The following UNC5C variants were observed in gnomAD, a reference collection of about 807,000 sequenced individuals.
The protein encoded by UNC5C is netrin receptor UNC5C.
A neutral mutation model predicts 99.8 loss-of-function variants in UNC5C; 47 were observed. The observed-to-expected ratio is 0.47, with a 90% CI of 0.37 to 0.60. The LOEUF (loss-of-function observed/expected upper bound fraction) is 0.60, where lower values mean the gene tolerates loss of function less well. Among genes scored for constraint, UNC5C ranks in the 20% least tolerant of loss-of-function variants. UNC5C has a pLI of 0.00. For synonymous variants in UNC5C, 487 were observed against 452.2 expected, an observed-to-expected ratio of 1.08 and a Z score of -0.98; for missense variants, 1,062 against 1,165.9, an observed-to-expected ratio of 0.91 and a Z score of 1.30.
chr4:95,453,910 G>T (rs1276469503), intron 1 of UNC5C, among the ~76,000 whole-genome samples: 1 of 152,092 alleles, frequency 6.6e-6, no homozygotes, highest in Admixed American at 6.6e-5. Flanking sequence ...AGCAGAATTT[G>T]TAATTTGTAC....
intron 7 of UNC5C, among the ~76,000 whole-genome samples, chr4:95,234,595 C>A (rs1229687777): frequency 6.6e-6 from 1 of 151,936 alleles, no homozygotes; most frequent in Non-Finnish European, 1.5e-5. Context: ...GCTTATGAAC[C>A]CAAAATGTCC....
rs78005095 is a variant in UNC5C, at chr4:95,186,716, C to T, written c.2137-1520G>A. Among the ~76,000 whole-genome samples the T allele has an allele frequency of 9.8e-5, 15 of 152,300 alleles. No homozygotes were observed. The East Asian group carries it at 2.5e-3, about 25-fold the overall frequency. On this transcript the variant is annotated intron_variant, in intron 12 of 15. Coordinates refer to ENST00000453304, the MANE Select transcript of UNC5C (RefSeq NM_003728.4). ...AAGAGATGAGGCAATAGCACACTGACGTAGACAAGTGTGTGGTCCAGCTGC... is the reference window on the plus strand; with the variant it reads ...AAGAGATGAGGCAATAGCACACTGATGTAGACAAGTGTGTGGTCCAGCTGC...
At chr4:95,467,451 C>T (rs927227762) in intron 1 of UNC5C, among the ~76,000 whole-genome samples, 2 of 152,016 alleles carry the variant, frequency 1.3e-5, no homozygotes, top group Non-Finnish European at 2.9e-5. Context: ...CAGGCACAAC[C>T]CTTGCAGCAT....
At chr4:95,451,359 A>G (rs1347547206) in intron 1 of UNC5C, among the ~76,000 whole-genome samples, 1 of 152,226 alleles carries the variant, frequency 6.6e-6, no homozygotes, top group Non-Finnish European at 1.5e-5. Flanking sequence ...CGACAGAAAC[A>G]TATAAGAAAA....
intron 2 of UNC5C, among the ~76,000 whole-genome samples, chr4:95,321,496 C>G (rs566455040): frequency 1.3e-5 from 2 of 148,610 alleles, no homozygotes; most frequent in Non-Finnish European, 3.0e-5. Context: ...TTCTAGAACT[C>G]TGATCTAACT....
At chr4:95,370,456 G>A (rs757409033) in intron 1 of UNC5C, among the ~76,000 whole-genome samples, 2 of 152,196 alleles carry the variant, frequency 1.3e-5, no homozygotes, top group Non-Finnish European at 2.9e-5. Context: ...ATGCTAGCAG[G>A]AAAAATGCTA....
At chr4:95,501,810 G>A (rs1444829609) in intron 1 of UNC5C, among the ~76,000 whole-genome samples, 2 of 152,132 alleles carry the variant, frequency 1.3e-5, no homozygotes, top group Middle Eastern at 3.4e-3. Flanking sequence ...TGCTACCTTT[G>A]AAAATATTCT....
intron 1 of UNC5C, among the ~76,000 whole-genome samples, chr4:95,456,906 G>T (rs1370843601): frequency 1.3e-5 from 2 of 152,000 alleles, no homozygotes; most frequent in Non-Finnish European, 2.9e-5. Flanking sequence ...TATTTTCACT[G>T]AAGAAATGAC....
At chr4:95,195,619 G>C (rs1342778318) in intron 12 of UNC5C, among the ~76,000 whole-genome samples, 1 of 152,126 alleles carries the variant, frequency 6.6e-6, no homozygotes, top group African/African-American at 2.4e-5. Context: ...GAGGACATCA[G>C]TGAGGAATGT....
intron 1 of UNC5C, among the ~76,000 whole-genome samples, chr4:95,521,588 A>G (rs768393584): frequency 6.2e-4 from 94 of 151,996 alleles, no homozygotes; most frequent in South Asian, 1.2e-3. Context: ...CCTAGTCCTA[A>G]TTACCTCTCA....
rs780176314 is a variant in UNC5C at position 95,219,306 on chromosome 4, C to A, written c.1308G>T (p.Leu436=). The stretch of plus-strand genomic sequence containing the variant: ...CTGACGTGAGGTCTGGGGGTACAGC[C>A]AGCAGATCTGAGTCAGAAAGAGAAA... ...VNIKAARQDL[L]AVPPDLTSAA... is the part of the protein sequence containing the mutation. Residue 436 remains leucine (L), a synonymous_variant, in exon 9 of 16, where the codon CTG becomes CTT. Coordinates refer to ENST00000453304, the MANE Select transcript of UNC5C (RefSeq NM_003728.4). The A allele has an allele frequency of 1.2e-5, 19 of 1,612,488 alleles. No homozygotes were observed. The highest frequency in any genetic ancestry group is 1.2e-5 in the Non-Finnish European group (14 of 1,179,030).
intron 12 of UNC5C, among the ~76,000 whole-genome samples, chr4:95,189,780 A>G (rs1009896064): frequency 6.6e-6 from 1 of 152,186 alleles, no homozygotes; most frequent in African/African-American, 2.4e-5. Flanking sequence ...GCAAATCAAA[A>G]CCACAATGAG....
intron 1 of UNC5C, among the ~76,000 whole-genome samples, chr4:95,399,771 G>A (rs979415351): frequency 2.0e-5 from 3 of 152,114 alleles, no homozygotes; most frequent in Non-Finnish European, 2.9e-5. Context: ...CTCTTTTATA[G>A]CACCAGAGTG....
chr4:95,504,303 C>G (rs569978967), intron 1 of UNC5C, among the ~76,000 whole-genome samples: 124 of 152,232 alleles, frequency 8.1e-4, no homozygotes, highest in African/African-American at 2.9e-3. Flanking sequence ...CAAGCTTACC[C>G]ACCGCTCAGT....
In UNC5C at chr4:95,474,359, C is replaced by T. The variant is rs530186606; in HGVS notation, c.124+74375G>A. ...AGGCTGGAGTACAGTGGTGCAATCT[C>T]TGCTCACTGCAACCTCCACCTCCTG... On this transcript the variant is annotated intron_variant, in intron 1 of 15. Transcript: ENST00000453304. Among the ~76,000 whole-genome samples, 4 of 152,226 alleles carry T rather than the reference C, an allele frequency of 2.6e-5. No individual in the cohort carries two copies. In the East Asian group the frequency reaches 7.8e-4, roughly 30 times the overall value.
At chr4:95,331,541 A>C (rs528178607) in intron 2 of UNC5C, among the ~76,000 whole-genome samples, 47 of 152,190 alleles carry the variant, frequency 3.1e-4, no homozygotes, top group Admixed American at 9.8e-4. Flanking sequence ...AAAGCTCCTA[A>C]TAAAGCTATG....
chr4:95,428,883 C>T (rs1270386784), intron 1 of UNC5C, among the ~76,000 whole-genome samples: 1 of 152,096 alleles, frequency 6.6e-6, no homozygotes, highest in African/African-American at 2.4e-5. Context: ...CTCCTGACAG[C>T]CCCGTCACTA....
chr4:95,364,629 G>C (rs1162386096), intron 1 of UNC5C, among the ~76,000 whole-genome samples: 1 of 152,210 alleles, frequency 6.6e-6, no homozygotes, highest in Admixed American at 6.5e-5. Context: ...CAAAGGCCGG[G>C]TGACAGATTT....
chr4:95,383,139 A>C (rs960989504), intron 1 of UNC5C, among the ~76,000 whole-genome samples: 3 of 152,210 alleles, frequency 2.0e-5, no homozygotes, highest in African/African-American at 7.2e-5. Context: ...ACTAAAGATA[A>C]GCACAAAAAT....
Sources: gnomAD v4.1 joint callset for allele counts (sites outside exome capture counted in the v4.1 genomes callset) on GRCh38, gnomAD v4.1.1 for gene constraint, MANE v1.5 for transcripts, NCBI Gene and HGNC (gene_info 2026-07-23, HGNC 2026-07-21) for gene names.